The following ROR1 variants were observed in gnomAD, a reference collection of about 807,000 sequenced individuals.
ROR1 encodes the protein inactive tyrosine-protein kinase transmembrane receptor ROR1.
ROR1 carries 19 observed loss-of-function variants against 78.8 expected under a neutral mutation model. The ratio of observed to expected loss-of-function variants is 0.24; its 90% CI spans 0.17 to 0.35. The LOEUF is 0.35. Ranked by LOEUF, ROR1 falls within the 10% of genes least tolerant of loss-of-function variation. ROR1 has a pLI of 1.00. For synonymous variants in ROR1, 386 were observed against 433.6 expected (o/e 0.89, Z 1.36); for missense variants, 917 against 1,177.8 (o/e 0.78, Z 3.24).
rs995310584 is a variant in ROR1, at chr1:64,097,538, AT to A, written c.483-39826del. On this transcript the variant is annotated intron_variant, in intron 4 of 8. Transcript: ENST00000371079. ...ATCACAGACAAGATTGTATTTATGC[AT>A]TTTTGAAATACATACATATATACAT... is the stretch of plus-strand genomic sequence containing the variant. 4.2e-4 allele frequency among the ~76,000 whole-genome samples: 63 copies of A among 149,396 alleles called. 1 individual carries two copies. The highest frequency in any genetic ancestry group is 1.6e-3 in the African/African-American group (63 of 40,254).
intron 2 of ROR1, among the ~76,000 whole-genome samples, chr1:64,044,922 A>G (rs376341141): frequency 6.6e-6 from 1 of 152,162 alleles, no homozygotes; most frequent in African/African-American, 2.4e-5. Context: ...TGAATTTTCT[A>G]TATTAGATAA....
intron 1 of ROR1, among the ~76,000 whole-genome samples, chr1:63,875,121 T>G (rs1460226989): frequency 6.6e-6 from 1 of 152,156 alleles, no homozygotes; most frequent in Non-Finnish European, 1.5e-5. Flanking sequence ...ATGAAATGTT[T>G]GACCCTAGGC....
Position 64,035,887 on chromosome 1 carries a change from C to T in ROR1, c.164-13804C>T, listed in dbSNP as rs567485326. Among the ~76,000 whole-genome samples, 4 of 152,272 alleles carry T rather than the reference C, an allele frequency of 2.6e-5. No individual in the cohort carries two copies. The South Asian group carries it at 8.3e-4, about 32-fold the overall frequency. On this transcript the variant is annotated intron_variant, in intron 2 of 8. Coordinates refer to ENST00000371079, the MANE Select transcript of ROR1 (RefSeq NM_005012.4). ...CATCCTGTGTTAAATTCCCCATCCA[C>T]CTCGTCTGCTTTTCCTCACCCTCTT...
chr1:63,931,712 A>G (rs1418926445), intron 1 of ROR1, among the ~76,000 whole-genome samples: 2 of 152,174 alleles, frequency 1.3e-5, no homozygotes, highest in African/African-American at 4.8e-5. Context: ...CATCTGGGTT[A>G]TCAGATAGAT....
chr1:64,003,203 C>CT (rs1187877754), intron 1 of ROR1, among the ~76,000 whole-genome samples: 2 of 151,248 alleles, frequency 1.3e-5, no homozygotes, highest in African/African-American at 2.4e-5. Flanking sequence ...TTTTCTTTTT[C>CT]TTTTTTTTCC....
intron 1 of ROR1, among the ~76,000 whole-genome samples, chr1:63,846,079 A>G (rs1050982438): frequency 6.6e-6 from 1 of 151,722 alleles, no homozygotes; most frequent in East Asian, 1.9e-4. Flanking sequence ...GGGCCAGCAT[A>G]GTGAATTTTA....
At position 63,819,833 on chromosome 1, in the gene ROR1, A is replaced by G. The variant is rs183616103; in HGVS notation, c.91+45325A>G. On this transcript the variant is annotated intron_variant, in intron 1 of 8. Coordinates refer to ENST00000371079, the MANE Select transcript of ROR1 (RefSeq NM_005012.4). ...GTCTTATTGTAAGGATAAAGTTTAC[A>G]TAATGTATGTAAATCTCCTAACAGT... 6.7e-4 allele frequency among the ~76,000 whole-genome samples: 102 copies of G among 152,316 alleles called. 2 individuals are homozygous for G. The East Asian group carries it at 0.018, about 27-fold the overall frequency.
In ROR1 at chr1:63,818,475, A is replaced by G. The variant is rs1276677156; in HGVS notation, c.91+43967A>G. On this transcript the variant is annotated intron_variant, in intron 1 of 8. Transcript: ENST00000371079. ...TATTTACTTTATCACTTGTTTCTCCATCTAACCTCTAAGATCTATTTATAT... is the reference window on the plus strand; with the variant it reads ...TATTTACTTTATCACTTGTTTCTCCGTCTAACCTCTAAGATCTATTTATAT... Among the ~76,000 whole-genome samples, 4 of 152,208 alleles carry G rather than the reference A, an allele frequency of 2.6e-5. No homozygotes were observed. In the East Asian group the frequency reaches 7.7e-4, roughly 29 times the overall value.
chr1:63,947,307 G>T (rs1645898220), intron 1 of ROR1, among the ~76,000 whole-genome samples: 1 of 152,152 alleles, frequency 6.6e-6, no homozygotes, highest in East Asian at 1.9e-4. Flanking sequence ...TACCATCTAT[G>T]CTAATATGGC....
intron 1 of ROR1, among the ~76,000 whole-genome samples, chr1:63,810,501 G>C (rs919196416): frequency 6.6e-6 from 1 of 152,228 alleles, no homozygotes; most frequent in Non-Finnish European, 1.5e-5. Flanking sequence ...AAACACACAT[G>C]TAATCTAAAT....
rs545184477 is a variant in ROR1 at position 63,963,731 on chromosome 1, G to A, written c.92-45574G>A. ...GGTCATATGACTAAGTCCTCACCAA[G>A]AAGATCCAAGTAGAAGTGTTTTCTG... On this transcript the variant is annotated intron_variant, in intron 1 of 8. Coordinates refer to ENST00000371079, the MANE Select transcript of ROR1 (RefSeq NM_005012.4). 8.5e-5 allele frequency among the ~76,000 whole-genome samples: 13 copies of A among 152,152 alleles called. No individual in the cohort carries two copies. In the South Asian group the frequency reaches 1.7e-3, roughly 19 times the overall value.
chr1:63,839,923 C>G (rs187957669), intron 1 of ROR1, among the ~76,000 whole-genome samples: 185 of 152,226 alleles, frequency 1.2e-3, no homozygotes, highest in African/African-American at 3.8e-3. Flanking sequence ...TGGCCCAACA[C>G]AGTGGCTGAA....
intron 4 of ROR1, among the ~76,000 whole-genome samples, chr1:64,085,466 G>C (rs1329239388): frequency 1.3e-5 from 2 of 152,160 alleles, no homozygotes; most frequent in Non-Finnish European, 2.9e-5. Flanking sequence ...TGCCATTACA[G>C]AGTGTTGCCC....
At chr1:63,819,645 AGAAAAATAC>A (rs1172707679) in intron 1 of ROR1, among the ~76,000 whole-genome samples, 1 of 152,198 alleles carries the variant, frequency 6.6e-6, no homozygotes, top group East Asian at 1.9e-4. Flanking sequence ...AGTAGAGAGA[AGAAAAATAC>A]CTGTTGGTTG....
At chr1:64,111,666 A>C (rs1167388683) in intron 4 of ROR1, among the ~76,000 whole-genome samples, 1 of 152,238 alleles carries the variant, frequency 6.6e-6, no homozygotes, top group South Asian at 2.1e-4. Context: ...GCCTTGGGCT[A>C]TTCATTTCAC....
chr1:64,153,294 C>G (rs535351471), intron 7 of ROR1, among the ~76,000 whole-genome samples: 3 of 152,240 alleles, frequency 2.0e-5, no homozygotes, highest in Admixed American at 1.3e-4. Flanking sequence ...CCATTGTGAT[C>G]TGTTGATAGG....
intron 2 of ROR1, 32 bp downstream of exon 2, chr1:64,009,408 G>A (rs1382528243): frequency 6.5e-7 from 1 of 1,529,000 alleles, no homozygotes. Flanking sequence ...GGGAGGCGAG[G>A]AAAGAGGTGT....
At chr1:63,797,404 G>A (rs934860039) in intron 1 of ROR1, among the ~76,000 whole-genome samples, 4 of 152,200 alleles carry the variant, frequency 2.6e-5, no homozygotes, top group African/African-American at 9.7e-5. Context: ...AGTAGCATGT[G>A]TGGGAAGGCT....
At chr1:64,046,678 C>T (rs183291237) in intron 2 of ROR1, among the ~76,000 whole-genome samples, 41 of 152,190 alleles carry the variant, frequency 2.7e-4, no homozygotes, top group African/African-American at 4.8e-4. Context: ...TGTGTGTCCA[C>T]GGCCCACCTT....
Sources: allele counts gnomAD v4.1 joint callset (sites outside exome capture counted in the v4.1 genomes callset), GRCh38; gene constraint gnomAD v4.1.1; transcripts MANE v1.5; gene names NCBI Gene and HGNC (gene_info 2026-07-23, HGNC 2026-07-21).